GSE1: variants seen among roughly 807,000 people sequenced by gnomAD.
GSE1 encodes genetic suppressor element 1.
A neutral mutation model predicts 112.6 loss-of-function variants in GSE1; 32 were observed. The ratio of observed to expected loss-of-function variants is 0.28; its 90% CI spans 0.21 to 0.38. The LOEUF is 0.38. Among genes scored for constraint, GSE1 ranks in the 10% least tolerant of loss-of-function variants. GSE1 has a pLI of 1.00. For synonymous variants in GSE1, 1,115 were observed against 735.6 expected (o/e 1.52, Z -8.35); for missense variants, 2,348 against 1,699.2 (o/e 1.38, Z -6.71).
In GSE1 at chr16:85,311,871, G is replaced by A. The variant is rs766397270; in HGVS notation, c.2284-45592G>A. Among the ~76,000 whole-genome samples the A allele has an allele frequency of 1.3e-5, 2 of 152,160 alleles. No individual in the cohort carries two copies. The highest frequency in any genetic ancestry group is 2.1e-4 in the South Asian group (1 of 4,834). On this transcript the variant is annotated intron_variant, in intron 1 of 2. Coordinates refer to the GSE1 transcript ENST00000637419. The surrounding 1 kb of genome is among the most constrained non-coding windows in gnomAD (Gnocchi z 4.2). ...AGTCCTTCTCACCCCAGACCCCAGC[G>A]TCTGTGTTTCATGAGGGTTGTGAAG...
intron 1 of GSE1, among the ~76,000 whole-genome samples, chr16:85,321,592 T>C (rs1200661415): frequency 6.6e-6 from 1 of 151,996 alleles, no homozygotes; most frequent in Non-Finnish European, 1.5e-5. Context: ...GCCACGATCA[T>C]GCTGCTACAC....
intron 2 of GSE1, among the ~76,000 whole-genome samples, chr16:85,435,315 C>T (rs999890656): frequency 1.9e-4 from 29 of 150,824 alleles, no homozygotes; most frequent in African/African-American, 6.6e-4. Flanking sequence ...ACCACCCCCT[C>T]CCCCACTGTG....
intron 2 of GSE1, among the ~76,000 whole-genome samples, chr16:85,451,347 C>T (rs920490966): frequency 6.6e-6 from 1 of 152,214 alleles, no homozygotes; most frequent in Non-Finnish European, 1.5e-5. Context: ...CGGAGGCGTT[C>T]AGTACAAAGA....
chr16:85,658,806 T>TCTTC (rs768215735), intron 8 of GSE1, among the ~76,000 whole-genome samples: 210 of 152,098 alleles, frequency 1.4e-3, no homozygotes, highest in Non-Finnish European at 2.4e-3. Context: ...GTAGGCATCT[T>TCTTC]CTTCCTCAGG....
chr16:85,535,117 C>G (rs1046274228), intron 2 of GSE1, among the ~76,000 whole-genome samples: 3 of 152,202 alleles, frequency 2.0e-5, no homozygotes, highest in Non-Finnish European at 4.4e-5. Flanking sequence ...GAGACCCAGC[C>G]CCGGCCCCAA....
chr16:85,314,629 T>C (rs1395960522), intron 1 of GSE1, among the ~76,000 whole-genome samples: 1 of 152,170 alleles, frequency 6.6e-6, no homozygotes, highest in African/African-American at 2.4e-5. Context: ...GCCCCACTCC[T>C]TCCTGAACAC....
At chr16:85,661,839 A>C (rs1598661829) in intron 9 of GSE1, 74 bp downstream of exon 9, 1 of 1,365,152 alleles carries the variant, frequency 7.3e-7, no homozygotes, top group Non-Finnish European at 9.7e-7. Flanking sequence ...CATGCCAGCC[A>C]CCTGCCCCTC....
intron 2 of GSE1, among the ~76,000 whole-genome samples, chr16:85,508,488 A>G (rs545277675): frequency 1.9e-4 from 29 of 152,262 alleles, no homozygotes; most frequent in African/African-American, 6.3e-4. Flanking sequence ...AGCACACGCC[A>G]TGGAGGGTAG....
intron 1 of GSE1, among the ~76,000 whole-genome samples, chr16:85,239,993 A>G (rs756572672): frequency 8.5e-4 from 129 of 152,268 alleles, no homozygotes; most frequent in Non-Finnish European, 9.3e-4. Context: ...TTCACTGTAA[A>G]TGTCTGTGGC....
At chr16:85,668,070 G>C in intron 13 of GSE1, 70 bp from the exon 14 acceptor site, 1 of 1,186,066 alleles carries the variant, frequency 8.4e-7, no homozygotes, top group South Asian at 1.5e-5. Context: ...GCAGAGCAGA[G>C]CTCCCTTCTG....
At chr16:85,506,891 C>T (rs997791390) in intron 2 of GSE1, among the ~76,000 whole-genome samples, 3 of 152,148 alleles carry the variant, frequency 2.0e-5, no homozygotes, top group African/African-American at 7.2e-5. Flanking sequence ...CGCTCAGCCA[C>T]CCTCCCCTGT....
intron 1 of GSE1, among the ~76,000 whole-genome samples, chr16:85,560,150 T>TTTA (rs1179259849): frequency 6.2e-5 from 9 of 145,210 alleles, no homozygotes; most frequent in African/African-American, 1.5e-4. Flanking sequence ...TTTTTTTTTT[T>TTTA]ATGTGAGACG....
At chr16:85,223,182 A>G (rs2075423245) in intron 1 of GSE1, among the ~76,000 whole-genome samples, 1 of 152,246 alleles carries the variant, frequency 6.6e-6, no homozygotes. Flanking sequence ...TCCTGAATTC[A>G]GTCATGCCAA....
chr16:85,315,299 G>A (rs2045963856), intron 1 of GSE1, among the ~76,000 whole-genome samples: 1 of 152,320 alleles, frequency 6.6e-6, no homozygotes, highest in South Asian at 2.1e-4. Flanking sequence ...CTGCAGTCCG[G>A]TCTCACTTGC....
rs2047388194 is a variant in GSE1 at position 85,599,887 on chromosome 16, C to T, written c.37+43524C>T. Among the ~76,000 whole-genome samples, 4 of 152,192 alleles carry T rather than the reference C, an allele frequency of 2.6e-5. No individual in the cohort carries two copies. In the South Asian group the frequency reaches 8.3e-4, roughly 32 times the overall value. On this transcript the variant is annotated intron_variant, in intron 1 of 2. Transcript: ENST00000635906. Reference sequence around the variant, plus strand: ...TGCCAGCCTGGGCAACAGAGACTTGCCACCTGGAAGACAGATGAGGCTGTC... The same window carrying T: ...TGCCAGCCTGGGCAACAGAGACTTGTCACCTGGAAGACAGATGAGGCTGTC...
chr16:85,515,794 A>G (rs1567552387), intron 2 of GSE1, among the ~76,000 whole-genome samples: 1 of 152,006 alleles, frequency 6.6e-6, no homozygotes, highest in Non-Finnish European at 1.5e-5. Flanking sequence ...GCACATGTGG[A>G]CAGAGCCCTT....
chr16:85,487,514 A>G (rs534590108), intron 2 of GSE1, among the ~76,000 whole-genome samples: 43 of 152,292 alleles, frequency 2.8e-4, no homozygotes, highest in African/African-American at 9.6e-4. Context: ...CAGTGACCAC[A>G]TTATTCCCCT....
At chr16:85,460,061 C>T (rs2049931099) in intron 2 of GSE1, among the ~76,000 whole-genome samples, 1 of 152,210 alleles carries the variant, frequency 6.6e-6, no homozygotes, top group Non-Finnish European at 1.5e-5. Context: ...CATACCTTCA[C>T]CCAGCGCCTG....
chr16:85,362,177 G>A (rs2047096381), intron 2 of GSE1, among the ~76,000 whole-genome samples: 1 of 152,246 alleles, frequency 6.6e-6, no homozygotes, highest in Non-Finnish European at 1.5e-5. Flanking sequence ...CAGCTGCCGG[G>A]AGAAGGGTGC....
Sources: gnomAD v4.1 joint callset for allele counts (sites outside exome capture counted in the v4.1 genomes callset) on GRCh38, gnomAD v4.1.1 for gene constraint, Gnocchi (gnomAD v3.1) non-coding constraint, MANE v1.5 for transcripts, NCBI Gene and HGNC (gene_info 2026-07-23, HGNC 2026-07-21) for gene names.